The following HUNK variants were observed in gnomAD, a reference collection of about 807,000 sequenced individuals.
HUNK encodes hormonally up-regulated Neu-associated kinase, also known as hormonally up-regulated neu tumor-associated kinase.
Under a neutral mutation model 61.0 loss-of-function variants are expected in HUNK, and 21 were observed. The ratio of observed to expected loss-of-function variants is 0.34; its 90% CI spans 0.24 to 0.50. The LOEUF is 0.50. HUNK is among the 20% of genes least tolerant of loss of function. The pLI, the probability that HUNK is intolerant of heterozygous loss-of-function variation, is 0.98. For missense variants in HUNK, 772 were observed against 945.7 expected (o/e 0.82, Z 2.41); for synonymous variants, 371 against 386.1 (o/e 0.96, Z 0.46).
chr21:31,923,429 TCTG>T (rs2052636181), intron 1 of HUNK, among the ~76,000 whole-genome samples: 1 of 146,250 alleles, frequency 6.8e-6, no homozygotes, highest in African/African-American at 2.6e-5. Flanking sequence ...ACAGAGAGAC[TCTG>T]TCAAGAAGGA....
At position 31,998,553 on chromosome 21, in the gene HUNK, G is replaced by A. The variant is rs778089972; in HGVS notation, c.1514G>A (p.Arg505His). The A allele has an allele frequency of 1.2e-5, 19 of 1,596,702 alleles. No homozygotes were observed. The highest frequency in any genetic ancestry group is 8.9e-5 in the Admixed American group (5 of 55,982). The change falls in exon 11 of 11, where the codon CGC (arginine) becomes CAC (histidine). Residue 505 changes from arginine to histidine, a missense_variant. Coordinates refer to ENST00000270112, the MANE Select transcript of HUNK (RefSeq NM_014586.2). ...KDSFGCRNIF[R>H]KTSDSNCVAS... ...TCCTTTGGCTGCCGCAATATTTTCC[G>A]CAAAACCTCAGATTCCAATTGTGTG...
intron 1 of HUNK, among the ~76,000 whole-genome samples, chr21:31,887,066 C>A (rs1054176829): frequency 2.0e-5 from 3 of 152,222 alleles, no homozygotes; most frequent in African/African-American, 7.2e-5. Flanking sequence ...TCATTCCTTG[C>A]TGCTCTGGGT....
At chr21:31,890,387 C>T (rs2052378712) in intron 1 of HUNK, among the ~76,000 whole-genome samples, 1 of 152,088 alleles carries the variant, frequency 6.6e-6, no homozygotes, top group South Asian at 2.1e-4. Context: ...CACCTCCGTG[C>T]CCAGCTAATT....
intron 1 of HUNK, among the ~76,000 whole-genome samples, chr21:31,880,998 T>C (rs1601356118): frequency 6.6e-6 from 1 of 152,338 alleles, no homozygotes; most frequent in East Asian, 1.9e-4. Flanking sequence ...CTGGGATTTA[T>C]ATTTCCGCAT....
chr21:31,918,994 G>A, intron 1 of HUNK, among the ~76,000 whole-genome samples: 1 of 147,852 alleles, frequency 6.8e-6, no homozygotes, highest in Non-Finnish European at 1.5e-5. Flanking sequence ...GGAGGGGCTG[G>A]ACTGAGCGGT....
Position 31,912,664 on chromosome 21 carries a change from C to T in HUNK, c.262-11804C>T, listed in dbSNP as rs142263963. ...TCAAGCCCTTTTCCCACGTCAGCCT[C>T]TCAAGGAGCTGGGAACACAGGCCTG... On this transcript the variant is annotated intron_variant, in intron 1 of 10. Coordinates refer to ENST00000270112, the MANE Select transcript of HUNK (RefSeq NM_014586.2). Among the ~76,000 whole-genome samples the T allele has an allele frequency of 2.2e-3, 337 of 152,218 alleles. 4 individuals are homozygous for T. The highest frequency in any genetic ancestry group is 7.9e-3 in the African/African-American group (327 of 41,556).
intron 1 of HUNK, among the ~76,000 whole-genome samples, chr21:31,916,043 C>CTTTTTTTTTT (rs34245381): frequency 3.7e-5 from 3 of 81,770 alleles, no homozygotes; most frequent in Non-Finnish European, 4.2e-5. Flanking sequence ...TAAGTGCTTT[C>CTTTTTTTTTT]TTTTTTTTTT....
chr21:31,922,976 T>C (rs2052632956), intron 1 of HUNK, among the ~76,000 whole-genome samples: 1 of 152,218 alleles, frequency 6.6e-6, no homozygotes, highest in Admixed American at 6.5e-5. Context: ...GGGATGCTCA[T>C]GTCTCAGTTC....
chr21:31,970,340 G>C (rs970413482), intron 6 of HUNK, among the ~76,000 whole-genome samples: 2 of 152,146 alleles, frequency 1.3e-5, no homozygotes, highest in African/African-American at 4.8e-5. Context: ...GTTTCACTCC[G>C]TTGCCATCTA....
At chr21:31,963,981 G>A (rs1034548929) in intron 5 of HUNK, among the ~76,000 whole-genome samples, 3 of 152,188 alleles carry the variant, frequency 2.0e-5, no homozygotes, top group South Asian at 4.2e-4. Flanking sequence ...CTTAAGCTTC[G>A]AGGGCCTTTC....
intron 1 of HUNK, among the ~76,000 whole-genome samples, chr21:31,876,579 G>A (rs936724178): frequency 6.6e-6 from 1 of 152,138 alleles, no homozygotes; most frequent in Non-Finnish European, 1.5e-5. Context: ...GATGACCACA[G>A]CCTCAGGCTA....
chr21:31,980,984 A>G (rs1159091937), intron 7 of HUNK, among the ~76,000 whole-genome samples: 1 of 152,132 alleles, frequency 6.6e-6, no homozygotes, highest in Non-Finnish European at 1.5e-5. Context: ...GATTACAGGC[A>G]TGAGCCACTG....
chr21:31,876,920 T>C (rs530572378), intron 1 of HUNK, among the ~76,000 whole-genome samples: 21 of 152,264 alleles, frequency 1.4e-4, no homozygotes, highest in African/African-American at 5.1e-4. Flanking sequence ...AGTGCTACAA[T>C]TACAGATGTG....
chr21:31,886,366 C>A (rs2052345667), intron 1 of HUNK, among the ~76,000 whole-genome samples: 1 of 149,558 alleles, frequency 6.7e-6, no homozygotes, highest in African/African-American at 2.5e-5. Context: ...GCGGACGTTG[C>A]AGCGAGCCGA....
intron 8 of HUNK, among the ~76,000 whole-genome samples, chr21:31,987,923 C>T (rs2833593): frequency 0.022 from 3,329 of 152,240 alleles, 124 homozygotes; most frequent in African/African-American, 0.077. Flanking sequence ...TGTGAGCAAA[C>T]CAGGGTGTGG....
chr21:31,959,180 T>C (rs1287778636), intron 5 of HUNK, among the ~76,000 whole-genome samples: 1 of 152,230 alleles, frequency 6.6e-6, no homozygotes, highest in Non-Finnish European at 1.5e-5. Flanking sequence ...TATCCTTTCC[T>C]GTTCTGTTCT....
chr21:31,968,173 C>A (rs1023375033), intron 5 of HUNK, 77 bp from the exon 6 acceptor site: 93 of 1,575,206 alleles, frequency 5.9e-5, no homozygotes, highest in Non-Finnish European at 7.9e-5. Flanking sequence ...GGTGGCGAGT[C>A]CCCTGTGATG....
At chr21:31,973,166 T>A (rs2053023904) in intron 6 of HUNK, among the ~76,000 whole-genome samples, 1 of 152,180 alleles carries the variant, frequency 6.6e-6, no homozygotes, top group Admixed American at 6.5e-5. Flanking sequence ...TTATACTTTT[T>A]AATTTTTTTA....
At chr21:31,901,689 G>A (rs1406117769) in intron 1 of HUNK, among the ~76,000 whole-genome samples, 1 of 152,218 alleles carries the variant, frequency 6.6e-6, no homozygotes, top group Non-Finnish European at 1.5e-5. Flanking sequence ...ATGCTCAGGT[G>A]TAGTAAGGCT....
Sources: allele counts gnomAD v4.1 joint callset (sites outside exome capture counted in the v4.1 genomes callset), GRCh38; gene constraint gnomAD v4.1.1; transcripts MANE v1.5; gene names NCBI Gene and HGNC (gene_info 2026-07-23, HGNC 2026-07-21).